Variants in PHF10 observed in about 807,000 individuals in gnomAD.
PHF10 encodes BRG1-associated factor 45a.
PHF10 carries 51 observed loss-of-function variants against 68.5 expected under a neutral mutation model. The observed-to-expected ratio is 0.74, with a 90% CI of 0.59 to 0.94. The LOEUF is 0.94. PHF10 is among the 40% of genes least tolerant of loss of function. The probability of loss-of-function intolerance (pLI) is 0.00; values close to 1 mark genes in which losing one functional copy is unlikely to be tolerated. For synonymous variants in PHF10, 204 were observed against 203.5 expected, an observed-to-expected ratio of 1.00 and a Z score of -0.02; for missense variants, 460 against 602.6, an observed-to-expected ratio of 0.76 and a Z score of 2.48.
At chr6:169,707,196 A>G (rs1047430400) in intron 9 of PHF10, 1 of 152,046 alleles carries the variant, frequency 6.6e-6, no homozygotes, top group Non-Finnish European at 1.5e-5. Flanking sequence ...CTGTATGTAT[A>G]TTTTTATACC....
chr6:169,720,897 C>A lies in PHF10; in HGVS notation c.194+108G>T, dbSNP rs371319053. ...CATTATAGAACAGGAAGAAAATATT[C>A]TACAATTTTTAATAATTGCCTTTGC... On this transcript the variant is annotated intron_variant, in intron 2 of 11. Transcript: ENST00000339209. The A allele has an allele frequency of 2.1e-4, 129 of 623,878 alleles. 1 individual carries two copies. The South Asian group carries it at 3.0e-3, about 14-fold the overall frequency. The allele number at this position is 623,878 out of a possible 1,614,324, so 38.6% of individuals were successfully genotyped here.
Position 169,712,450 on chromosome 6 carries a change from T to C in PHF10, c.893A>G (p.Asp298Gly), listed in dbSNP as rs1315762982. The C allele has an allele frequency of 3.1e-6, 5 of 1,614,028 alleles. No individual in the cohort carries two copies. Among genetic ancestry groups the C allele is most frequent in the Non-Finnish European group, 4.2e-6 (5 of 1,179,892 alleles). Residue 298 changes from aspartate (D) to glycine (G), a missense_variant, in exon 8 of 12, where the codon GAT becomes GGT. By Grantham distance (94) the Asp-to-Gly change is moderately conservative (BLOSUM62 -1). Transcript: ENST00000339209. ...LDPELPALDSDGDSDDGEDGR... is the reference protein window; with the variant it reads ...LDPELPALDSGGDSDDGEDGR... ...ATCTTCGCCATCATCTGAATCACCA[T>C]CACTGTCTAGAGCAGGGAGCTCAGG...
At chr6:169,720,213 G>A (rs1054741298) in intron 2 of PHF10, among the ~76,000 whole-genome samples, 1 of 152,148 alleles carries the variant, frequency 6.6e-6, no homozygotes, top group African/African-American at 2.4e-5. Context: ...TTGCTGGTAG[G>A]AATGTAAATT....
intron 4 of PHF10, among the ~76,000 whole-genome samples, chr6:169,717,079 C>T (rs1034885487): frequency 6.6e-6 from 1 of 152,036 alleles, no homozygotes; most frequent in Non-Finnish European, 1.5e-5. Context: ...TGGTAAAACC[C>T]CGTCTCTAAT....
rs1292259951 is a variant in PHF10, at chr6:169,716,066, A to AT, written c.431dup (p.Asp144GlufsTer2). ...CTTTTATCATTAAATCAATCACTTC[A>AT]TCACTGCGCAATGCTGTTAAGCCTA... On this transcript the variant is annotated frameshift_variant, in exon 5 of 12. Transcript: ENST00000339209. LOFTEE classifies it high-confidence loss of function. 4.4e-6 allele frequency: 7 copies of AT among 1,604,532 alleles called. No individual in the cohort carries two copies. In the Admixed American group the frequency reaches 1.2e-4, roughly 28 times the overall value.
chr6:169,721,608 T>A (rs1444062079), intron 1 of PHF10, among the ~76,000 whole-genome samples: 4 of 152,022 alleles, frequency 2.6e-5, no homozygotes, highest in Non-Finnish European at 5.9e-5. Context: ...TATACCCTAA[T>A]AAGGGTCATC....
At chr6:169,709,955 G>T in intron 9 of PHF10, 1 of 215,272 alleles carries the variant, frequency 4.6e-6, no homozygotes, top group Non-Finnish European at 9.0e-6. Flanking sequence ...ATGAAATAAT[G>T]TTTTAAAAAC....
intron 4 of PHF10, 95 bp from the exon 5 acceptor site, chr6:169,716,183 C>A (rs1044824327): frequency 6.3e-5 from 44 of 703,884 alleles, no homozygotes; most frequent in Non-Finnish European, 9.7e-5. Context: ...AACCGCTCCA[C>A]GTTGTAATGG....
At chr6:169,718,708 T>C in intron 3 of PHF10, 80 bp downstream of exon 3, 1 of 835,842 alleles carries the variant, frequency 1.2e-6, no homozygotes, top group East Asian at 2.7e-5. Context: ...AAATATAATC[T>C]ACAGAAAAAT....
chr6:169,718,422 G>A (rs1455119372), intron 3 of PHF10, among the ~76,000 whole-genome samples: 1 of 152,160 alleles, frequency 6.6e-6, no homozygotes, highest in Non-Finnish European at 1.5e-5. Flanking sequence ...AGCAATTCAG[G>A]AGGCTGAGGC....
chr6:169,711,967 A>G (rs1788934806), intron 8 of PHF10, among the ~76,000 whole-genome samples: 1 of 152,224 alleles, frequency 6.6e-6, no homozygotes, highest in Non-Finnish European at 1.5e-5. Flanking sequence ...AAAACCCAAC[A>G]AATTGTACAA....
chr6:169,714,720 A>T lies in PHF10; in HGVS notation c.803+13T>A. ...AATAGCCGATACCAACTGTAACTAA[A>T]ACTACTAAATACCTCTTATAATATT... On this transcript the variant is annotated intron_variant, in intron 7 of 11. Transcript: ENST00000339209. 7.7e-7 allele frequency: 1 copy of T among 1,303,424 alleles called. No individual in the cohort carries two copies. The highest frequency in any genetic ancestry group is 1.1e-6 in the Non-Finnish European group (1 of 896,760). The allele number at this position is 1,303,424 out of a possible 1,614,324, so 80.7% of individuals were successfully genotyped here.
rs1259473758 is a variant in PHF10, at chr6:169,724,440, C to A, written c.-509G>T. ...CTCGCCTCAGCCCCGCCGCTCCCCT[C>A]AGCCCCGCGGCCGCCTCAGCCCCGC... is the stretch of plus-strand genomic sequence containing the variant. On this transcript the variant is annotated 5_prime_UTR_variant, in exon 1 of 12. Coordinates refer to ENST00000339209, the MANE Select transcript of PHF10 (RefSeq NM_018288.4). Among the ~76,000 whole-genome samples, 5 of 143,262 alleles carry A rather than the reference C, an allele frequency of 3.5e-5. No homozygotes were observed. The highest frequency in any genetic ancestry group is 1.3e-4 in the African/African-American group (5 of 39,346). 94.0% of individuals were successfully genotyped at this position (143,262 alleles called of 152,430 possible).
In PHF10 at chr6:169,703,997, A is replaced by G. The variant is rs369139294; in HGVS notation, c.*6T>C. 1.4e-5 allele frequency: 22 copies of G among 1,595,294 alleles called. No individual in the cohort carries two copies. The African/African-American group carries it at 2.8e-4, about 21-fold the overall frequency. ...TGCATATACAGTATTAGAGTCAAAAACTATTTTATCCCTCTTTGCTGTTTT... is the reference window on the plus strand; with the variant it reads ...TGCATATACAGTATTAGAGTCAAAAGCTATTTTATCCCTCTTTGCTGTTTT... On this transcript the variant is annotated 3_prime_UTR_variant, in exon 12 of 12. Transcript: ENST00000339209.
In PHF10 at chr6:169,715,961, C is replaced by T. The variant is rs749055720; in HGVS notation, c.537G>A (p.Glu179=). Residue 179 remains glutamate (E), a synonymous_variant, in exon 5 of 12, where the codon GAG becomes GAA. Coordinates refer to ENST00000339209, the MANE Select transcript of PHF10 (RefSeq NM_018288.4). ...ERQRITDHYK[E]YSQMQQQNTQ... ...AGTCACCTCAATTACTTACGGAATA[C>T]TCTTTATAATGGTCTGTAATTCGTT... 1 of 1,604,392 alleles carries T rather than the reference C, an allele frequency of 6.2e-7. No individual in the cohort carries two copies. The highest frequency in any genetic ancestry group is 8.5e-7 in the Non-Finnish European group (1 of 1,176,120).
chr6:169,710,043 C>A (rs1294744820), intron 9 of PHF10, 193 bp downstream of exon 9: 5 of 447,996 alleles, frequency 1.1e-5, no homozygotes, highest in Non-Finnish European at 1.2e-5. Flanking sequence ...GAAGGTAAAC[C>A]ATAGCCAAAA....
At chr6:169,704,750 C>CT (rs1788714043) in intron 11 of PHF10, 1 of 176,150 alleles carries the variant, frequency 5.7e-6, no homozygotes, top group African/African-American at 2.4e-5. Flanking sequence ...AATTGTCATG[C>CT]TGCCTCAATT....
At position 169,716,108 on chromosome 6, in the gene PHF10, A is replaced by T. The variant is rs1789041482; in HGVS notation, c.410-20T>A. The stretch of plus-strand genomic sequence containing the variant: ...TTAAGCCTATTTTAGACCAAAAAAT[A>T]AAAAAATAAAGAAGCTCTTTTAAGG... On this transcript the variant is annotated intron_variant, in intron 4 of 11. Transcript: ENST00000339209. The T allele has an allele frequency of 6.6e-7, 1 of 1,509,690 alleles. No homozygotes were observed. The highest frequency in any genetic ancestry group is 2.3e-5 in the Admixed American group (1 of 43,828). 93.5% of individuals were successfully genotyped at this position (1,509,690 alleles called of 1,614,324 possible).
intron 9 of PHF10, 136 bp downstream of exon 9, chr6:169,710,100 G>A (rs1231718561): frequency 1.7e-6 from 1 of 575,658 alleles, no homozygotes. Flanking sequence ...GAAAGCAGCG[G>A]ACAAAGGGCA....
Sources: allele counts gnomAD v4.1 joint callset (sites outside exome capture counted in the v4.1 genomes callset), GRCh38; gene constraint gnomAD v4.1.1; transcripts MANE v1.5; gene names NCBI Gene and HGNC (gene_info 2026-07-23, HGNC 2026-07-21).